The following SESTD1 variants were observed in gnomAD, a reference collection of about 807,000 sequenced individuals.
SESTD1 encodes SEC14 domain and spectrin repeat-containing protein 1.
Under a neutral mutation model 101.7 loss-of-function variants are expected in SESTD1, and 43 were observed. The ratio of observed to expected loss-of-function variants is 0.42; its 90% CI spans 0.33 to 0.55. The LOEUF (loss-of-function observed/expected upper bound fraction) is 0.55. Ranked by LOEUF, SESTD1 falls within the 20% of genes least tolerant of loss-of-function variation. The pLI is 0.07. For missense variants in SESTD1, 647 were observed against 815.1 expected (o/e 0.79, Z 2.51); for synonymous variants, 283 against 286.8 (o/e 0.99, Z 0.13).
chr2:179,218,982 A>G (rs1263719335), intron 1 of SESTD1, among the ~76,000 whole-genome samples: 1 of 152,222 alleles, frequency 6.6e-6, no homozygotes, highest in African/African-American at 2.4e-5. Context: ...AAGAATCCTA[A>G]CATTGTCACA....
chr2:179,257,985 T>C (rs1009737118), intron 1 of SESTD1, among the ~76,000 whole-genome samples: 2 of 152,180 alleles, frequency 1.3e-5, no homozygotes, highest in Non-Finnish European at 2.9e-5. Context: ...TATGACACCT[T>C]ACCAAAGCCC....
At chr2:179,144,361 CA>C (rs2045350162) in intron 8 of SESTD1, among the ~76,000 whole-genome samples, 1 of 151,780 alleles carries the variant, frequency 6.6e-6, no homozygotes, top group East Asian at 1.9e-4. Context: ...ATTACAAGTA[CA>C]AAATAATATT....
At chr2:179,196,703 C>A (rs2046402157) in intron 1 of SESTD1, among the ~76,000 whole-genome samples, 1 of 152,168 alleles carries the variant, frequency 6.6e-6, no homozygotes, top group Non-Finnish European at 1.5e-5. Flanking sequence ...GGCAGACTGA[C>A]ACCTCACACG....
chr2:179,150,785 A>T (rs571378537), intron 6 of SESTD1, among the ~76,000 whole-genome samples: 76 of 152,120 alleles, frequency 5.0e-4, no homozygotes, highest in Admixed American at 2.6e-3. Context: ...GCGCCACAGC[A>T]CTCCAGCCTG....
At chr2:179,180,563 C>A (rs1575465291) in intron 3 of SESTD1, among the ~76,000 whole-genome samples, 1 of 152,152 alleles carries the variant, frequency 6.6e-6, no homozygotes, top group South Asian at 2.1e-4. Context: ...TTCCTAAGGA[C>A]AAAAAGAGGG....
At chr2:179,191,912 T>G (rs2046325430) in intron 1 of SESTD1, 46 bp from the exon 2 acceptor site, 1 of 1,240,774 alleles carries the variant, frequency 8.1e-7, no homozygotes. Context: ...CAACAATTAT[T>G]CCACGAAATA....
At chr2:179,164,816 T>C (rs912466997) in intron 5 of SESTD1, among the ~76,000 whole-genome samples, 5 of 152,182 alleles carry the variant, frequency 3.3e-5, no homozygotes, top group African/African-American at 1.2e-4. Flanking sequence ...GACCACTGGG[T>C]GTATACTTGA....
chr2:179,129,205 A>T (rs1411953982), intron 10 of SESTD1, among the ~76,000 whole-genome samples: 1 of 152,212 alleles, frequency 6.6e-6, no homozygotes, highest in African/African-American at 2.4e-5. Flanking sequence ...GCACTATGAG[A>T]TGGTGGGATA....
chr2:179,106,262 A>T lies in SESTD1; in HGVS notation c.*3637T>A, dbSNP rs1426266589. 6.6e-6 allele frequency: 1 copy of T among 152,184 alleles called. No individual in the cohort carries two copies. The highest frequency in any genetic ancestry group is 1.5e-5 in the Non-Finnish European group (1 of 68,028). 9.4% of individuals were successfully genotyped at this position (152,184 alleles called of 1,614,324 possible). On this transcript the variant is annotated 3_prime_UTR_variant, in exon 18 of 18. Coordinates refer to ENST00000428443, the MANE Select transcript of SESTD1 (RefSeq NM_178123.5). ...TGCCTGTACCATTCCCTATAGGCTG[A>T]AGATGTAAAGGACATTAGCAACCAC...
At chr2:179,128,502 G>A (rs945652125) in intron 10 of SESTD1, among the ~76,000 whole-genome samples, 1 of 152,066 alleles carries the variant, frequency 6.6e-6, no homozygotes, top group African/African-American at 2.4e-5. Flanking sequence ...AGGTCAAGAT[G>A]GGCAGATCAC....
At chr2:179,160,156 C>G (rs2045707665) in intron 5 of SESTD1, among the ~76,000 whole-genome samples, 1 of 152,086 alleles carries the variant, frequency 6.6e-6, no homozygotes, top group Non-Finnish European at 1.5e-5. Flanking sequence ...TGTGCCCAGC[C>G]CATAATCAAA....
At position 179,102,182 on chromosome 2, in the gene SESTD1, G is replaced by A. The variant is rs567614159; in HGVS notation, c.*7717C>T. 6.6e-6 allele frequency: 1 copy of A among 152,244 alleles called. No individual in the cohort carries two copies. The highest frequency in any genetic ancestry group is 1.9e-4 in the East Asian group (1 of 5,186). 9.4% of individuals were successfully genotyped at this position (152,244 alleles called of 1,614,324 possible). A position where few individuals can be genotyped will look rare whatever the true frequency, so the allele number is the denominator to read the frequency against. On this transcript the variant is annotated 3_prime_UTR_variant, in exon 18 of 18. Transcript: ENST00000428443. ...CAACATGAGACGTAGAGAAAGCACT[G>A]AACTTCTGTGCCAAGCCTGTGGGAA...
intron 5 of SESTD1, among the ~76,000 whole-genome samples, chr2:179,161,871 T>C (rs1351563255): frequency 1.3e-5 from 2 of 152,188 alleles, no homozygotes; most frequent in African/African-American, 4.8e-5. Flanking sequence ...AAGTCTTTTA[T>C]TCTCCAAAAA....
At chr2:179,178,532 A>T (rs2046051102) in intron 3 of SESTD1, among the ~76,000 whole-genome samples, 1 of 152,182 alleles carries the variant, frequency 6.6e-6, no homozygotes, top group Non-Finnish European at 1.5e-5. Flanking sequence ...CTGTGGGCTC[A>T]AGTAATGAGG....
At chr2:179,141,782 C>G (rs1407111428) in intron 9 of SESTD1, among the ~76,000 whole-genome samples, 1 of 152,086 alleles carries the variant, frequency 6.6e-6, no homozygotes, top group Non-Finnish European at 1.5e-5. Context: ...GATTTTTGTA[C>G]TGCTCTGCTA....
intron 15 of SESTD1, among the ~76,000 whole-genome samples, chr2:179,115,602 G>GT: frequency 6.6e-6 from 1 of 151,950 alleles, no homozygotes. Context: ...AAAAAAATTA[G>GT]TTGAGTTTGG....
intron 1 of SESTD1, among the ~76,000 whole-genome samples, chr2:179,196,887 G>A (rs1032981262): frequency 1.3e-5 from 2 of 152,210 alleles, no homozygotes; most frequent in East Asian, 1.9e-4. Flanking sequence ...GGGAAACTCT[G>A]AAAAGCAGAG....
chr2:179,191,614 G>A (rs12693178), intron 2 of SESTD1, among the ~76,000 whole-genome samples, 173 bp downstream of exon 2: 80,248 of 151,814 alleles, frequency 0.53, 22,345 homozygotes, highest in East Asian at 0.74. Flanking sequence ...GGCCTGCCAA[G>A]AACCAGTACA....
chr2:179,144,004 G>A (rs1188145873), intron 8 of SESTD1, among the ~76,000 whole-genome samples: 1 of 151,784 alleles, frequency 6.6e-6, no homozygotes, highest in African/African-American at 2.4e-5. Context: ...GTATGTGTGT[G>A]TACATATATA....
Sources: allele counts gnomAD v4.1 joint callset (sites outside exome capture counted in the v4.1 genomes callset), GRCh38; gene constraint gnomAD v4.1.1; transcripts MANE v1.5; gene names NCBI Gene and HGNC (gene_info 2026-07-23, HGNC 2026-07-21).